OR2Z1: variants seen among roughly 807,000 people sequenced by gnomAD.
OR2Z1 encodes the protein olfactory receptor family 2 subfamily Z member 1.
For missense variants in OR2Z1, 449 were observed against 401.8 expected (o/e 1.12, Z -1.00); for synonymous variants, 188 against 160.6 (o/e 1.17, Z -1.29).
chr19:8,731,279 AC>A lies in OR2Z1; in HGVS notation c.252del (p.Leu86CysfsTer21), dbSNP rs781785538. On this transcript the variant is annotated frameshift_variant, in exon 3 of 3. Coordinates refer to ENST00000641125, the MANE Select transcript of OR2Z1 (RefSeq NM_001004699.3). LOFTEE classifies it low-confidence loss of function (END_TRUNC). ...PMVTIPKMAS[D>X]FLRGEGATSY... ...GTCACCATCCCCAAGATGGCATCAG[AC>A]TTTCTGCGGGGAGAAGGTGCCACCT... is the stretch of plus-strand genomic sequence containing the variant. The A allele has an allele frequency of 1.2e-6, 2 of 1,614,122 alleles. No individual in the cohort carries two copies. The highest frequency in any genetic ancestry group is 2.2e-5 in the East Asian group (1 of 44,862).
rs1555756880 is a variant in OR2Z1 at position 8,731,917 on chromosome 19, G to A, written c.889G>A (p.Val297Met). The A allele has an allele frequency of 3.1e-6, 5 of 1,614,190 alleles. No homozygotes were observed. The African/African-American group carries it at 4.0e-5, about 13-fold the overall frequency. The change falls in exon 3 of 3, where the codon GTG (valine) becomes ATG (methionine). Residue 297 changes from valine (V) to methionine (M), a missense_variant. Transcript: ENST00000641125. Reference protein sequence around the residue: ...PLIYSLRNPEVWMALVKVLSR... With the variant: ...PLIYSLRNPEMWMALVKVLSR... Reference sequence around the variant, plus strand: ...TATCTACAGTCTGAGGAATCCGGAGGTGTGGATGGCTTTGGTCAAAGTGCT... The same window carrying A: ...TATCTACAGTCTGAGGAATCCGGAGATGTGGATGGCTTTGGTCAAAGTGCT...
rs782363191 is a variant in OR2Z1 at position 8,731,246 on chromosome 19, G to C, written c.218G>C (p.Cys73Ser). 1 of 1,613,890 alleles carries C rather than the reference G, an allele frequency of 6.2e-7. No individual in the cohort carries two copies. Among genetic ancestry groups the C allele is most frequent in the Non-Finnish European group, 8.5e-7 (1 of 1,179,820 alleles). The change falls in exon 3 of 3, where the codon TGT becomes TCT. Residue 73 changes from cysteine (C) to serine (S), a missense_variant. Transcript: ENST00000641125. ...LSQLSLFDIG[C>S]PMVTIPKMAS... ...CAGCTCTCCCTGTTTGACATTGGCT[G>C]TCCCATGGTCACCATCCCCAAGATG...
intron 1 of OR2Z1, 41 bp downstream of exon 1, chr19:8,722,083 T>A (rs1555755766): frequency 3.3e-5 from 5 of 152,214 alleles, no homozygotes; most frequent in Admixed American, 3.3e-4. Context: ...GTCTTTAACT[T>A]TAGTTCCAAC....
intron 2 of OR2Z1, among the ~76,000 whole-genome samples, chr19:8,725,850 G>A (rs998744394): frequency 6.6e-6 from 1 of 152,214 alleles, no homozygotes; most frequent in Non-Finnish European, 1.5e-5. Context: ...TGTACAGGAC[G>A]TATAATGACT....
At chr19:8,726,212 G>A (rs1051084092) in intron 2 of OR2Z1, among the ~76,000 whole-genome samples, 2 of 152,208 alleles carry the variant, frequency 1.3e-5, no homozygotes, top group East Asian at 1.9e-4. Context: ...TGATCGGCCC[G>A]CCTTGGCCTC....
At chr19:8,726,625 C>T (rs1165809962) in intron 2 of OR2Z1, among the ~76,000 whole-genome samples, 1 of 152,214 alleles carries the variant, frequency 6.6e-6, no homozygotes, top group Non-Finnish European at 1.5e-5. Flanking sequence ...ATGGTGGAGT[C>T]CAGAGAACCG....
chr19:8,725,238 T>C (rs2043322717), intron 2 of OR2Z1, among the ~76,000 whole-genome samples: 1 of 152,174 alleles, frequency 6.6e-6, no homozygotes, highest in Admixed American at 6.5e-5. Context: ...CCATACATCT[T>C]TGTTTTTCTT....
chr19:8,727,908 A>G (rs531586716), intron 2 of OR2Z1, among the ~76,000 whole-genome samples: 1 of 152,196 alleles, frequency 6.6e-6, no homozygotes, highest in African/African-American at 2.4e-5. Context: ...AAACACCTCA[A>G]TTGGGTTGAG....
In OR2Z1 at chr19:8,726,494, G is replaced by A. The variant is rs116380269; in HGVS notation, c.-170+3344G>A. 3.8e-3 allele frequency among the ~76,000 whole-genome samples: 579 copies of A among 152,304 alleles called. 1 individual carries two copies. The highest frequency in any genetic ancestry group is 0.014 in the African/African-American group (564 of 41,558). On this transcript the variant is annotated intron_variant, in intron 2 of 2. Coordinates refer to ENST00000641125, the MANE Select transcript of OR2Z1 (RefSeq NM_001004699.3). Reference sequence around the variant, plus strand: ...TGTCTCAAGAGGCTTCCCTGACCACGTCTTGTAGTGTCCTTAGCTATTACC... The same window carrying A: ...TGTCTCAAGAGGCTTCCCTGACCACATCTTGTAGTGTCCTTAGCTATTACC...
At chr19:8,722,347 T>C (rs2043310888) in intron 1 of OR2Z1, among the ~76,000 whole-genome samples, 1 of 152,090 alleles carries the variant, frequency 6.6e-6, no homozygotes, top group Non-Finnish European at 1.5e-5. Flanking sequence ...ATTTGGCTAC[T>C]AAAGTGACCA....
chr19:8,726,334 C>G (rs1252855757), intron 2 of OR2Z1, among the ~76,000 whole-genome samples: 1 of 152,140 alleles, frequency 6.6e-6, no homozygotes, highest in Admixed American at 6.6e-5. Context: ...GGGGATGGTA[C>G]TAAACCATTC....
At chr19:8,729,715 C>T (rs573696448) in intron 2 of OR2Z1, among the ~76,000 whole-genome samples, 10 of 152,116 alleles carry the variant, frequency 6.6e-5, no homozygotes, top group African/African-American at 2.2e-4. Context: ...CTCAGCCTCC[C>T]GAATAGATGG....
intron 2 of OR2Z1, chr19:8,728,754 T>G: frequency 1.7e-6 from 1 of 601,218 alleles, no homozygotes; most frequent in Non-Finnish European, 3.2e-6. Flanking sequence ...CCCAATTTTG[T>G]TGGCAACATC....
Position 8,731,758 on chromosome 19 carries a change from C to G in OR2Z1, c.730C>G (p.His244Asp). Residue 244 changes from histidine to aspartate, a missense_variant, in exon 3 of 3, where the codon CAC becomes GAC. By Grantham distance (81) the His-to-Asp change is moderately conservative (BLOSUM62 -1). Coordinates refer to ENST00000641125, the MANE Select transcript of OR2Z1 (RefSeq NM_001004699.3). Reference protein sequence around the residue: ...RHKAVTTCSSHITVVGLFYGA... With the variant: ...RHKAVTTCSSDITVVGLFYGA... ...CAAGGCTGTCACCACCTGCTCCTCGCACATCACGGTAGTGGGGCTCTTTTA... is the reference window on the plus strand; with the variant it reads ...CAAGGCTGTCACCACCTGCTCCTCGGACATCACGGTAGTGGGGCTCTTTTA... 1.2e-6 allele frequency: 2 copies of G among 1,614,238 alleles called. No homozygotes were observed. The highest frequency in any genetic ancestry group is 1.7e-6 in the Non-Finnish European group (2 of 1,180,044).
In OR2Z1 at chr19:8,723,968, T is replaced by TTG. The variant is rs55655760; in HGVS notation, c.-170+860_-170+861dup. ...AACTTAGTGGTGAAGGGGAGTCTGT[T>TTG]TGTGTGTGTGTGTGTGTGTGTGTGT... On this transcript the variant is annotated intron_variant, in intron 2 of 2. Coordinates refer to ENST00000641125, the MANE Select transcript of OR2Z1 (RefSeq NM_001004699.3). Among the ~76,000 whole-genome samples the TTG allele has an allele frequency of 9.7e-3, 1,286 of 132,844 alleles. 15 individuals are homozygous for TTG. Among genetic ancestry groups the TTG allele is most frequent in the East Asian group, 0.022 (100 of 4,472 alleles). The allele number at this position is 132,844 out of a possible 152,430, so 87.2% of individuals were successfully genotyped here.
chr19:8,729,202 C>T, intron 2 of OR2Z1: 1 of 773,478 alleles, frequency 1.3e-6, no homozygotes, highest in Non-Finnish European at 2.2e-6. Context: ...CTTTCGGCGC[C>T]ATCTTGTGAA....
In OR2Z1 at chr19:8,731,142, C is replaced by A. The variant is rs1555756691; in HGVS notation, c.114C>A (p.Gly38=). Residue 38 remains glycine, a synonymous_variant, in exon 3 of 3, where the codon GGC becomes GGA. Transcript: ENST00000641125. ...FSLVAVMFVI[G]LLGNTVLLFL... is the part of the protein sequence containing the mutation. ...TGGTGGCTGTCATGTTTGTCATAGG[C>A]CTTCTGGGCAACACCGTTCTTCTCT... is the stretch of plus-strand genomic sequence containing the variant. 1.2e-6 allele frequency: 2 copies of A among 1,614,066 alleles called. No individual in the cohort carries two copies. Among genetic ancestry groups the A allele is most frequent in the South Asian group, 2.2e-5 (2 of 91,082 alleles).
At chr19:8,730,393 A>G (rs1478983159) in intron 2 of OR2Z1, among the ~76,000 whole-genome samples, 2 of 150,852 alleles carry the variant, frequency 1.3e-5, no homozygotes, top group African/African-American at 4.9e-5. Context: ...GAAGCATTCC[A>G]CCATCTATGT....
At chr19:8,726,728 G>A (rs551976187) in intron 2 of OR2Z1, among the ~76,000 whole-genome samples, 2 of 152,252 alleles carry the variant, frequency 1.3e-5, no homozygotes, top group African/African-American at 4.8e-5. Flanking sequence ...TGGTAGAGAG[G>A]AGCTTGGATG....
Sources: gnomAD v4.1 joint callset for allele counts (sites outside exome capture counted in the v4.1 genomes callset) on GRCh38, gnomAD v4.1.1 for gene constraint, MANE v1.5 for transcripts, NCBI Gene and HGNC (gene_info 2026-07-23, HGNC 2026-07-21) for gene names.